HMGCLL1: variants seen among roughly 807,000 people sequenced by gnomAD.
HMGCLL1 encodes the protein 3-hydroxy-3-methylglutaryl-CoA lyase like 1, also known as 3-hydroxymethyl-3-methylglutaryl-CoA lyase, cytoplasmic.
HMGCLL1 carries 36 observed loss-of-function variants against 39.1 expected under a neutral mutation model. That is an observed-to-expected ratio of 0.92 (90% CI 0.71 to 1.22). The LOEUF (loss-of-function observed/expected upper bound fraction) is 1.22, where lower values mean the gene tolerates loss of function less well. HMGCLL1 is among the 50% of genes most tolerant of loss of function. The probability of loss-of-function intolerance (pLI) is 0.00; values close to 1 mark genes in which losing one functional copy is unlikely to be tolerated. For synonymous variants in HMGCLL1, 149 were observed against 144.0 expected, an observed-to-expected ratio of 1.03 and a Z score of -0.25; for missense variants, 451 against 416.5, an observed-to-expected ratio of 1.08 and a Z score of -0.72.
At chr6:55,517,733 T>G (rs1285831430) in intron 3 of HMGCLL1, among the ~76,000 whole-genome samples, 1 of 152,086 alleles carries the variant, frequency 6.6e-6, no homozygotes, top group Non-Finnish European at 1.5e-5. Context: ...TACATTCATC[T>G]TGTCAACTCT....
the HMGCLL1 span, among the ~76,000 whole-genome samples, chr6:55,637,086 CCTT>C: frequency 6.6e-6 from 1 of 152,100 alleles, no homozygotes; most frequent in Non-Finnish European, 1.5e-5. Context: ...TCAAGGAATT[CCTT>C]CTATTTTCGA....
chr6:55,591,216 A>T, the HMGCLL1 span, among the ~76,000 whole-genome samples: 3 of 152,014 alleles, frequency 2.0e-5, no homozygotes, highest in African/African-American at 4.8e-5. Context: ...CTAGAGATTC[A>T]CACACTATGT....
the HMGCLL1 span, among the ~76,000 whole-genome samples, chr6:55,614,192 C>T: frequency 6.6e-6 from 1 of 152,028 alleles, no homozygotes; most frequent in Non-Finnish European, 1.5e-5. Flanking sequence ...TTCTGTCTCT[C>T]CAAGGATTCA....
intron 7 of HMGCLL1, among the ~76,000 whole-genome samples, chr6:55,442,158 C>T (rs1050268271): frequency 3.3e-5 from 5 of 152,022 alleles, no homozygotes; most frequent in Non-Finnish European, 1.5e-5. Flanking sequence ...TGGTGTCTGC[C>T]AGGTATCTGC....
chr6:55,444,190 A>C lies in HMGCLL1; in HGVS notation c.796-4631T>G, dbSNP rs532186244. Among the ~76,000 whole-genome samples the C allele has an allele frequency of 6.6e-5, 10 of 152,232 alleles. No individual in the cohort carries two copies. In the South Asian group the frequency reaches 2.1e-3, roughly 32 times the overall value. On this transcript the variant is annotated intron_variant, in intron 7 of 8. Transcript: ENST00000274901. ...AAACAGTCAAACCTAAATGAGTAGGAATATACAGTTAATTGGAATTCTTTG... is the reference window on the plus strand; with the variant it reads ...AAACAGTCAAACCTAAATGAGTAGGCATATACAGTTAATTGGAATTCTTTG...
chr6:55,634,014 A>G, the HMGCLL1 span, among the ~76,000 whole-genome samples: 3 of 152,064 alleles, frequency 2.0e-5, no homozygotes, highest in Admixed American at 6.6e-5. Flanking sequence ...ATTACTTTCA[A>G]TCCTTCTATT....
chr6:55,637,170 CA>C, the HMGCLL1 span, among the ~76,000 whole-genome samples: 3 of 152,132 alleles, frequency 2.0e-5, no homozygotes, highest in Admixed American at 1.3e-4. Context: ...AAAATAACAA[CA>C]GTATAGCTAT....
At chr6:55,627,413 G>A in the HMGCLL1 span, among the ~76,000 whole-genome samples, 13 of 151,918 alleles carry the variant, frequency 8.6e-5, no homozygotes, top group African/African-American at 1.9e-4. Context: ...TACATTAGGC[G>A]TAATTATAAC....
the HMGCLL1 span, among the ~76,000 whole-genome samples, chr6:55,608,893 A>G: frequency 2.6e-5 from 4 of 152,222 alleles, no homozygotes; most frequent in Admixed American, 1.3e-4. Context: ...TTCTGTCATC[A>G]GGACTGATTA....
chr6:55,514,993 G>A (rs1196834386), intron 4 of HMGCLL1, among the ~76,000 whole-genome samples: 7 of 152,068 alleles, frequency 4.6e-5, no homozygotes, highest in Non-Finnish European at 7.4e-5. Flanking sequence ...GGTGGCTCAC[G>A]CCTGTAATCC....
At chr6:55,452,394 T>C (rs1305003787) in intron 7 of HMGCLL1, among the ~76,000 whole-genome samples, 2 of 152,008 alleles carry the variant, frequency 1.3e-5, no homozygotes, top group Non-Finnish European at 1.5e-5. Context: ...CAGTAACTTT[T>C]TCCATGAATA....
the HMGCLL1 span, among the ~76,000 whole-genome samples, chr6:55,645,795 T>A: frequency 3.3e-5 from 5 of 152,004 alleles, no homozygotes; most frequent in Non-Finnish European, 5.9e-5. Context: ...GAACTCAGTT[T>A]GCCAGTATTT....
intron 7 of HMGCLL1, among the ~76,000 whole-genome samples, chr6:55,467,895 G>A (rs890141637): frequency 2.6e-5 from 4 of 152,034 alleles, no homozygotes; most frequent in Non-Finnish European, 5.9e-5. Flanking sequence ...ACACTGTCAG[G>A]TGAGGTGCCA....
the HMGCLL1 span, among the ~76,000 whole-genome samples, chr6:55,595,242 A>G: frequency 5.3e-5 from 8 of 152,230 alleles, no homozygotes; most frequent in Non-Finnish European, 1.2e-4. Context: ...CCGAACAAAT[A>G]TAAGTAGAGA....
intron 5 of HMGCLL1, chr6:55,513,769 G>A (rs1030688876): frequency 4.6e-5 from 19 of 413,356 alleles, no homozygotes; most frequent in African/African-American, 3.7e-4. Flanking sequence ...GGCTGCATTT[G>A]GGTGCTAGAG....
the HMGCLL1 span, among the ~76,000 whole-genome samples, chr6:55,666,091 C>T: frequency 6.6e-6 from 1 of 151,672 alleles, no homozygotes; most frequent in African/African-American, 2.4e-5. Flanking sequence ...AACTTTTCAG[C>T]TCACAAGCTT....
intron 3 of HMGCLL1, among the ~76,000 whole-genome samples, chr6:55,517,292 G>A (rs1216405507): frequency 6.6e-6 from 1 of 151,994 alleles, no homozygotes. Context: ...TTACCAGTTT[G>A]CCACAAAGTC....
chr6:55,577,155 TTAGAAGAGAAGTC>T (rs1165754076), intron 1 of HMGCLL1: 6 of 1,594,404 alleles, frequency 3.8e-6, no homozygotes, highest in Non-Finnish European at 5.1e-6. Context: ...TGAAGGTTTG[TTAGAAGAGAAGTC>T]TAGGAAGATA....
chr6:55,471,379 C>T (rs1016836788), intron 7 of HMGCLL1, among the ~76,000 whole-genome samples: 1 of 151,674 alleles, frequency 6.6e-6, no homozygotes, highest in East Asian at 1.9e-4. Context: ...GCTACAAACT[C>T]TTTTTCTGTC....
Sources: gnomAD v4.1 joint callset for allele counts (sites outside exome capture counted in the v4.1 genomes callset) on GRCh38, gnomAD v4.1.1 for gene constraint, MANE v1.5 for transcripts, NCBI Gene and HGNC (gene_info 2026-07-23, HGNC 2026-07-21) for gene names.